SNRK: variants seen among roughly 807,000 people sequenced by gnomAD.
The protein encoded by SNRK is SNF-related serine/threonine-protein kinase.
Under a neutral mutation model 48.2 loss-of-function variants are expected in SNRK, and 3 were observed. The observed-to-expected ratio is 0.06, with a 90% CI of 0.03 to 0.16. SNRK has a LOEUF of 0.16. Among genes scored for constraint, SNRK ranks in the 10% least tolerant of loss-of-function variants. The probability of loss-of-function intolerance (pLI) is 1.00; values close to 1 mark genes in which losing one functional copy is unlikely to be tolerated. For synonymous variants in SNRK, 376 were observed against 366.1 expected (o/e 1.03, Z -0.31); for missense variants, 627 against 976.0 (o/e 0.64, Z 4.76).
intron 1 of SNRK, among the ~76,000 whole-genome samples, chr3:43,296,430 ATATG>A (rs1559458583): frequency 1.4e-5 from 2 of 146,080 alleles, no homozygotes; most frequent in African/African-American, 2.5e-5. Context: ...ATATATATAT[ATATG>A]TATATATATA....
chr3:43,287,283 A>G (rs2090773394), intron 1 of SNRK, among the ~76,000 whole-genome samples: 1 of 152,164 alleles, frequency 6.6e-6, no homozygotes, highest in Non-Finnish European at 1.5e-5. Flanking sequence ...GAGACTGGGA[A>G]ATCTACGTTC....
At chr3:43,344,414 C>G (rs949179495) in intron 6 of SNRK, among the ~76,000 whole-genome samples, 1 of 152,012 alleles carries the variant, frequency 6.6e-6, no homozygotes, top group African/African-American at 2.4e-5. Flanking sequence ...TGTGTACCTC[C>G]AAGTATTTAT....
intron 6 of SNRK, among the ~76,000 whole-genome samples, chr3:43,344,129 C>G (rs2091257347): frequency 6.6e-6 from 1 of 152,136 alleles, no homozygotes; most frequent in African/African-American, 2.4e-5. Flanking sequence ...GCCATCACTG[C>G]TGGGAATATT....
At chr3:43,307,198 A>G (rs1183193455) in intron 3 of SNRK, among the ~76,000 whole-genome samples, 2 of 152,174 alleles carry the variant, frequency 1.3e-5, no homozygotes, top group Non-Finnish European at 2.9e-5. Flanking sequence ...GCTATAATTG[A>G]CAATAAAGAT....
intron 3 of SNRK, among the ~76,000 whole-genome samples, chr3:43,325,607 ACTAGACAAATAG>A (rs1242208169): frequency 6.6e-6 from 1 of 152,224 alleles, no homozygotes; most frequent in Admixed American, 6.5e-5. Flanking sequence ...CATTTGACTG[ACTAGACAAATAG>A]AATTGGACAT....
At chr3:43,300,322 G>GA (rs1355425663) in intron 2 of SNRK, among the ~76,000 whole-genome samples, 4 of 151,236 alleles carry the variant, frequency 2.6e-5, no homozygotes, top group African/African-American at 7.3e-5. Flanking sequence ...CTGAGGCTCT[G>GA]AAAAAAAAGC....
intron 3 of SNRK, among the ~76,000 whole-genome samples, chr3:43,310,436 T>A (rs1351568919): frequency 6.6e-6 from 1 of 152,178 alleles, no homozygotes; most frequent in African/African-American, 2.4e-5. Context: ...TGTTTTTACT[T>A]CTTTTTTGGT....
rs185512775 is a variant in SNRK at position 43,291,972 on chromosome 3, C to T, written c.-169+5297C>T. The stretch of plus-strand genomic sequence containing the variant: ...GCTTTTTCATTTGTAAAATGGGTAT[C>T]ACTCTTAAGGAATTAAATGATATAA... On this transcript the variant is annotated intron_variant, in intron 1 of 6. Coordinates refer to ENST00000296088, the MANE Select transcript of SNRK (RefSeq NM_017719.5). Among the ~76,000 whole-genome samples the T allele has an allele frequency of 8.2e-4, 125 of 152,326 alleles. 2 individuals are homozygous for T. The highest frequency in any genetic ancestry group is 2.8e-3 in the African/African-American group (118 of 41,562).
At position 43,349,622 on chromosome 3, in the gene SNRK, G is replaced by C. The variant is rs1346995335; in HGVS notation, c.*1065G>C. ...TAAAAGGGTAAAATTCACACATACA[G>C]CAAACAAAAATGCACAAAGCCTGCT... On this transcript the variant is annotated 3_prime_UTR_variant, in exon 7 of 7. Coordinates refer to ENST00000296088, the MANE Select transcript of SNRK (RefSeq NM_017719.5). The C allele has an allele frequency of 6.6e-6, 1 of 151,908 alleles. No individual in the cohort carries two copies. Among genetic ancestry groups the C allele is most frequent in the Non-Finnish European group, 1.5e-5 (1 of 68,034 alleles). 9.4% of individuals were successfully genotyped at this position (151,908 alleles called of 1,614,324 possible). A position where few individuals can be genotyped will look rare whatever the true frequency, so the allele number is the denominator to read the frequency against.
At chr3:43,321,125 C>A (rs2091050340) in intron 3 of SNRK, among the ~76,000 whole-genome samples, 1 of 151,976 alleles carries the variant, frequency 6.6e-6, no homozygotes, top group Non-Finnish European at 1.5e-5. Flanking sequence ...TAAACAACTT[C>A]ATAAGAATTT....
In SNRK at chr3:43,347,858, C is replaced by T; in HGVS notation, c.1599C>T (p.Gly533=). 6.2e-7 allele frequency: 1 copy of T among 1,614,166 alleles called. No homozygotes were observed. The highest frequency in any genetic ancestry group is 2.2e-5 in the East Asian group (1 of 44,870). ...HKRYHRRKSQ[G]RGSSCSSSET... is the part of the protein sequence containing the mutation. ...GCTACCACCGGAGGAAAAGTCAGGG[C>T]CGGGGCTCCAGCTGCAGTAGTTCGG... is the stretch of plus-strand genomic sequence containing the variant. The change falls in exon 7 of 7, where the codon GGC becomes GGT. Residue 533 remains glycine, a synonymous_variant. Coordinates refer to ENST00000296088, the MANE Select transcript of SNRK (RefSeq NM_017719.5). The surrounding 1 kb of genome is among the most constrained non-coding windows in gnomAD (Gnocchi z 5.4).
At chr3:43,297,181 T>C (rs999571508) in intron 1 of SNRK, among the ~76,000 whole-genome samples, 2 of 152,180 alleles carry the variant, frequency 1.3e-5, no homozygotes, top group Non-Finnish European at 2.9e-5. Context: ...GTTTATAAAA[T>C]AGAGGAAAAA....
intron 3 of SNRK, among the ~76,000 whole-genome samples, chr3:43,319,149 G>A (rs531277883): frequency 6.6e-6 from 1 of 152,256 alleles, no homozygotes; most frequent in Non-Finnish European, 1.5e-5. Context: ...TCAGTTCCTG[G>A]AGAGTCCCTG....
Position 43,347,960 on chromosome 3 carries a change from G to T in SNRK, c.1701G>T (p.Arg567=). ...GGTTCACCTACTCCTGGCACCGACG[G>T]GATAGCAGCGAGGGGCCCCCTGGCA... The part of the protein sequence containing the change: ...DSGFTYSWHR[R]DSSEGPPGSE... Residue 567 remains arginine, a synonymous_variant, in exon 7 of 7, where the codon CGG becomes CGT. Transcript: ENST00000296088. This position sits in a 1 kb window ranked among gnomAD's most constrained non-coding sequence, Gnocchi z 5.4. The T allele has an allele frequency of 6.2e-7, 1 of 1,614,104 alleles. No individual in the cohort carries two copies. The highest frequency in any genetic ancestry group is 8.5e-7 in the Non-Finnish European group (1 of 1,180,028).
chr3:43,287,985 C>A (rs2090779482), intron 1 of SNRK, among the ~76,000 whole-genome samples: 1 of 152,106 alleles, frequency 6.6e-6, no homozygotes, highest in Admixed American at 6.5e-5. Flanking sequence ...TTAAAGCATA[C>A]TAATTAGACA....
intron 3 of SNRK, among the ~76,000 whole-genome samples, chr3:43,310,052 C>T (rs1008203890): frequency 1.3e-5 from 2 of 152,060 alleles, no homozygotes; most frequent in African/African-American, 2.4e-5. Context: ...TTGTGTGTCT[C>T]GCTGTATTGC....
In SNRK at chr3:43,303,530, G is replaced by C; in HGVS notation, c.327G>C (p.Glu109Asp). 6.2e-7 allele frequency: 1 copy of C among 1,614,106 alleles called. No individual in the cohort carries two copies. The highest frequency in any genetic ancestry group is 1.1e-5 in the South Asian group (1 of 91,084). ...DMFDYIMKHE[E>D]GLNEDLAKKY... Reference sequence around the variant, plus strand: ...TTGATTATATAATGAAACATGAGGAGGGTCTTAATGAAGACTTGGCCAAGA... The same window carrying C: ...TTGATTATATAATGAAACATGAGGACGGTCTTAATGAAGACTTGGCCAAGA... The change falls in exon 3 of 7, where the codon GAG becomes GAC. Residue 109 changes from glutamate to aspartate, a missense_variant. By Grantham distance (45) the Glu-to-Asp change is conservative. Coordinates refer to ENST00000296088, the MANE Select transcript of SNRK (RefSeq NM_017719.5). This position sits in a 1 kb window ranked among gnomAD's most constrained non-coding sequence, Gnocchi z 6.2.
In SNRK at chr3:43,303,348, A is replaced by G; in HGVS notation, c.145A>G (p.Lys49Glu). ...AAAGGTGGCAGTAAAAGTTATTGAC[A>G]AGACAAAACTGGACACTCTAGCTAC... ...GEKVAVKVID[K>E]TKLDTLATGH... The change falls in exon 3 of 7, where the codon AAG (lysine) becomes GAG (glutamate). Residue 49 changes from lysine (K) to glutamate (E), a missense_variant. Around this residue, in one of 4 missense-constraint regions of SNRK, gnomAD observed 147 missense variants for 356.8 expected, o/e 0.41. Coordinates refer to ENST00000296088, the MANE Select transcript of SNRK (RefSeq NM_017719.5). This position sits in a 1 kb window ranked among gnomAD's most constrained non-coding sequence, Gnocchi z 6.2. The G allele has an allele frequency of 6.2e-7, 1 of 1,614,184 alleles. No individual in the cohort carries two copies. Among genetic ancestry groups the G allele is most frequent in the Non-Finnish European group, 8.5e-7 (1 of 1,180,030 alleles).
At chr3:43,342,746 CTAGG>C (rs1287459714) in intron 5 of SNRK, among the ~76,000 whole-genome samples, 2 of 152,188 alleles carry the variant, frequency 1.3e-5, no homozygotes, top group Non-Finnish European at 2.9e-5. Context: ...TCTAGCCAGA[CTAGG>C]TACTCGGTGA....
Sources: gnomAD v4.1 joint callset for allele counts (sites outside exome capture counted in the v4.1 genomes callset) on GRCh38, gnomAD v4.1.1 for gene constraint, gnomAD v4.1.1 regional missense constraint, Gnocchi (gnomAD v3.1) non-coding constraint, MANE v1.5 for transcripts, NCBI Gene and HGNC (gene_info 2026-07-23, HGNC 2026-07-21) for gene names.